CDH2: variants seen among roughly 807,000 people sequenced by gnomAD.
CDH2 encodes the protein cadherin 2.
Under a neutral mutation model 92.0 loss-of-function variants are expected in CDH2, and 17 were observed. That is an observed-to-expected ratio of 0.18 (90% CI 0.13 to 0.28). The LOEUF (loss-of-function observed/expected upper bound fraction) is 0.28, where lower values mean the gene tolerates loss of function less well. Ranked by LOEUF, CDH2 falls within the 10% of genes least tolerant of loss-of-function variation. The pLI is 1.00. For missense variants in CDH2, 862 were observed against 1,133.1 expected, an observed-to-expected ratio of 0.76 and a Z score of 3.44; for synonymous variants, 419 against 415.9, an observed-to-expected ratio of 1.01 and a Z score of -0.09.
At chr18:28,131,225 T>C (rs1429161162) in intron 2 of CDH2, among the ~76,000 whole-genome samples, 2 of 152,194 alleles carry the variant, frequency 1.3e-5, no homozygotes, top group East Asian at 1.9e-4. Context: ...AATTATATCA[T>C]CTTGATTTTT....
chr18:28,119,137 C>A (rs2144268133), intron 2 of CDH2, among the ~76,000 whole-genome samples: 1 of 152,156 alleles, frequency 6.6e-6, no homozygotes, highest in Non-Finnish European at 1.5e-5. Context: ...GAAAATGGTG[C>A]AAAGAAGACT....
downstream of CDH2, among the ~76,000 whole-genome samples, chr18:27,947,833 A>G (rs1177195547): frequency 2.6e-5 from 4 of 151,956 alleles, no homozygotes; most frequent in East Asian, 1.9e-4. Context: ...TGTATGTGAT[A>G]TAAGTGTGTA....
At chr18:28,010,334 C>T (rs1175805417) in intron 4 of CDH2, among the ~76,000 whole-genome samples, 3 of 152,206 alleles carry the variant, frequency 2.0e-5, no homozygotes, top group Non-Finnish European at 4.4e-5. Context: ...ATGGTTGACC[C>T]TGAATGTCAG....
intron 2 of CDH2, among the ~76,000 whole-genome samples, chr18:28,117,548 G>A (rs9965582): frequency 0.27 from 40,863 of 152,034 alleles, 5,679 homozygotes; most frequent in Middle Eastern, 0.37. Context: ...TCACAAAATA[G>A]ATTCACAAAG....
In CDH2 at chr18:27,985,750, T is replaced by C. The variant is rs2012211113; in HGVS notation, c.1753A>G (p.Met585Val). Reference sequence around the variant, plus strand: ...ATCTGCAGCGTTCCTGTTCCACTCATAGGAGGAATTCCTGAAAAGAGAGAA... The same window carrying C: ...ATCTGCAGCGTTCCTGTTCCACTCACAGGAGGAATTCCTGAAAAGAGAGAA... ...FLASDNGIPP[M>V]SGTGTLQIYL... is the part of the protein sequence containing the mutation. Residue 585 changes from methionine (M) to valine (V), a missense_variant, in exon 12 of 16, where the codon ATG becomes GTG. Met to Val is a conservative substitution (Grantham distance 21). Transcript: ENST00000269141. The C allele has an allele frequency of 5.0e-6, 8 of 1,593,548 alleles. No homozygotes were observed. Among genetic ancestry groups the C allele is most frequent in the East Asian group, 2.2e-5 (1 of 44,690 alleles).
chr18:28,113,192 A>AAAAAGGT (rs2015440298), intron 2 of CDH2, among the ~76,000 whole-genome samples: 1 of 152,200 alleles, frequency 6.6e-6, no homozygotes, highest in Non-Finnish European at 1.5e-5. Flanking sequence ...CAGCCAGATT[A>AAAAAGGT]AAAAGGTAAA....
intron 11 of CDH2, 39 bp from the exon 12 acceptor site, chr18:27,985,800 T>G: frequency 8.4e-7 from 1 of 1,184,914 alleles, no homozygotes; most frequent in Admixed American, 1.8e-5. Context: ...GCTGAACAGT[T>G]CTCTCCAATG....
chr18:28,172,817 TTAAA>T (rs2016484781), intron 1 of CDH2, among the ~76,000 whole-genome samples: 1 of 152,144 alleles, frequency 6.6e-6, no homozygotes, highest in Non-Finnish European at 1.5e-5. Context: ...ACAACACTTC[TTAAA>T]TAACAGCTCT....
chr18:27,983,284 G>T (rs546412270), intron 13 of CDH2, among the ~76,000 whole-genome samples: 6 of 152,270 alleles, frequency 3.9e-5, no homozygotes, highest in Admixed American at 2.6e-4. Context: ...GAGTATGAAG[G>T]CCTGGGCTCC....
In CDH2 at chr18:28,106,417, A is replaced by G. The variant is rs569244931; in HGVS notation, c.172+41256T>C. 5.9e-4 allele frequency among the ~76,000 whole-genome samples: 89 copies of G among 152,072 alleles called. 1 individual carries two copies. Among genetic ancestry groups the G allele is most frequent in the African/African-American group, 2.0e-3 (83 of 41,502 alleles). On this transcript the variant is annotated intron_variant, in intron 2 of 15. Coordinates refer to ENST00000269141, the MANE Select transcript of CDH2 (RefSeq NM_001792.5). ...GGGTGCCAGAGTGAGATTGCATTTC[A>G]AGAAAGAAAAAAAAAAAAAGTGTTA...
chr18:27,950,881 CT>C (rs1909406025), downstream of CDH2: 1 of 152,354 alleles, frequency 6.6e-6, no homozygotes, highest in Non-Finnish European at 1.5e-5. Flanking sequence ...CAAATACATA[CT>C]TTTTGTACTG....
intron 5 of CDH2, among the ~76,000 whole-genome samples, chr18:28,006,681 G>A (rs373912876): frequency 3.5e-5 from 5 of 144,190 alleles, no homozygotes; most frequent in East Asian, 4.1e-4. Context: ...TTGTGCCAGT[G>A]CACTCCAGCC....
At chr18:27,960,663 TTA>T (rs1420752691) in intron 15 of CDH2, among the ~76,000 whole-genome samples, 2 of 152,214 alleles carry the variant, frequency 1.3e-5, no homozygotes, top group African/African-American at 4.8e-5. Context: ...ACTTGCACAG[TTA>T]TGTTACACAC....
At chr18:28,032,755 T>C (rs1213799327) in intron 2 of CDH2, among the ~76,000 whole-genome samples, 2 of 152,032 alleles carry the variant, frequency 1.3e-5, no homozygotes, top group African/African-American at 4.8e-5. Context: ...ACATTGAAAG[T>C]GGTGGGTGGT....
chr18:28,125,829 T>TC (rs1004886008), intron 2 of CDH2, among the ~76,000 whole-genome samples: 14 of 150,248 alleles, frequency 9.3e-5, no homozygotes, highest in Admixed American at 8.6e-4. Context: ...AGATCAGTAC[T>TC]CCTGATTACA....
intron 2 of CDH2, among the ~76,000 whole-genome samples, chr18:28,135,096 A>G (rs1343195212): frequency 6.6e-6 from 1 of 152,222 alleles, no homozygotes; most frequent in Non-Finnish European, 1.5e-5. Context: ...CCGTGGACTC[A>G]GCATTATGTG....
At chr18:27,997,400 G>T (rs1224650540) in intron 7 of CDH2, among the ~76,000 whole-genome samples, 1 of 152,190 alleles carries the variant, frequency 6.6e-6, no homozygotes, top group Non-Finnish European at 1.5e-5. Context: ...GAGAGTAAAG[G>T]ATCACAGGAC....
chr18:28,177,107 C>G lies in CDH2; in HGVS notation c.-85G>C. 4 of 1,014,584 alleles carry G rather than the reference C, an allele frequency of 3.9e-6. No homozygotes were observed. The highest frequency in any genetic ancestry group is 3.1e-5 in the East Asian group (1 of 31,880). 62.8% of individuals were successfully genotyped at this position (1,014,584 alleles called of 1,614,324 possible). A position where few individuals can be genotyped will look rare whatever the true frequency, so the allele number is the denominator to read the frequency against. On this transcript the variant is annotated 5_prime_UTR_variant, in exon 1 of 16. Transcript: ENST00000269141. The stretch of plus-strand genomic sequence containing the variant: ...GGAGGAGGAGGAGGCAGCGGCAGCA[C>G]CAACAGCGGCGCGGAGAAACGGCTC...
chr18:27,996,939 T>G (rs538170992), intron 7 of CDH2, among the ~76,000 whole-genome samples: 1 of 152,368 alleles, frequency 6.6e-6, no homozygotes, highest in East Asian at 1.9e-4. Context: ...CAGTGATTCA[T>G]GCACAGTAGT....
Sources: allele counts gnomAD v4.1 joint callset (sites outside exome capture counted in the v4.1 genomes callset), GRCh38; gene constraint gnomAD v4.1.1; transcripts MANE v1.5; gene names NCBI Gene and HGNC (gene_info 2026-07-23, HGNC 2026-07-21).